Variants in PLCXD1 observed in about 807,000 individuals in gnomAD.
PLCXD1 encodes PI-PLC X domain-containing protein 1.
A neutral mutation model predicts 37.8 loss-of-function variants in PLCXD1; 45 were observed. That is an observed-to-expected ratio of 1.19 (90% CI 0.94 to 1.53). The LOEUF is 1.53. PLCXD1 is among the 40% of genes most tolerant of loss of function. The pLI, the probability that PLCXD1 is intolerant of heterozygous loss-of-function variation, is 0.00. For missense variants in PLCXD1, 539 were observed against 454.7 expected (o/e 1.19, Z -1.69); for synonymous variants, 246 against 206.9 (o/e 1.19, Z -1.62).
chrX:289,664 A>G (rs1048991164), intron 3 of PLCXD1, among the ~76,000 whole-genome samples: 1 of 151,370 alleles, frequency 6.6e-6, no homozygotes, highest in Non-Finnish European at 1.5e-5. Flanking sequence ...GGCTCCCGCG[A>G]CCACGCCCGG....
At position 286,478 on chromosome X, in the gene PLCXD1, G is replaced by A. The variant is rs142261695; in HGVS notation, c.127+2164G>A. Among the ~76,000 whole-genome samples, 1,487 of 152,174 alleles carry A rather than the reference G, an allele frequency of 9.8e-3. 21 individuals carry two copies. The highest frequency in any genetic ancestry group is 0.061 in the East Asian group (315 of 5,172). On this transcript the variant is annotated intron_variant, in intron 2 of 6. Coordinates refer to ENST00000381657, the MANE Select transcript of PLCXD1 (RefSeq NM_018390.4). ...CAGCCGCAGACAAAACTCAGACACCGGATTAAAGAAAGAAGAGGTTTCTTT... is the reference window on the plus strand; with the variant it reads ...CAGCCGCAGACAAAACTCAGACACCAGATTAAAGAAAGAAGAGGTTTCTTT...
intron 4 of PLCXD1, among the ~76,000 whole-genome samples, 196 bp from the exon 5 acceptor site, chrX:291,303 G>A (rs1448209417): frequency 1.7e-4 from 26 of 151,912 alleles, no homozygotes; most frequent in South Asian, 8.3e-4. Context: ...CGGACACCAC[G>A]CCCAGCTAAT....
intron 3 of PLCXD1, among the ~76,000 whole-genome samples, chrX:289,667 A>G (rs1316307234): frequency 2.0e-5 from 3 of 151,326 alleles, no homozygotes; most frequent in African/African-American, 4.8e-5. Flanking sequence ...TCCCGCGACC[A>G]CGCCCGGCTA....
At chrX:288,896 C>T in intron 3 of PLCXD1, 27 bp downstream of exon 3, 1 of 1,609,392 alleles carries the variant, frequency 6.2e-7, no homozygotes, top group Non-Finnish European at 8.5e-7. Context: ...GTGCTGCTGA[C>T]CTGGCCTGTC....
Position 291,529 on chromosome X carries a change from G to T in PLCXD1, c.424G>T (p.Glu142Ter). 3 of 1,612,860 alleles carry T rather than the reference G, an allele frequency of 1.9e-6. No homozygotes were observed. The highest frequency in any genetic ancestry group is 2.5e-6 in the Non-Finnish European group (3 of 1,179,850). Residue 142 changes from glutamate to a stop codon, truncating the protein, a stop_gained, in exon 5 of 7, where the codon GAG (glutamate) becomes TAG (stop). Transcript: ENST00000381657. LOFTEE classifies it high-confidence loss of function. ...DTLTEISEWL[E>*]RHPREVVILA... Reference sequence around the variant, plus strand: ...ACTCACGGAAATCTCGGAGTGGCTGGAGCGGCATCCACGCGAGGTGGTCAT... The same window carrying T: ...ACTCACGGAAATCTCGGAGTGGCTGTAGCGGCATCCACGCGAGGTGGTCAT...
chrX:287,350 A>G (rs1464108764), intron 2 of PLCXD1, among the ~76,000 whole-genome samples: 1 of 144,494 alleles, frequency 6.9e-6, no homozygotes, highest in Non-Finnish European at 1.5e-5. Context: ...ATGTGGATAT[A>G]TATTTTATAT....
Position 301,825 on chromosome X carries a change from C to T in PLCXD1, c.*2490C>T, listed in dbSNP as rs1343923770. On this transcript the variant is annotated 3_prime_UTR_variant, in exon 7 of 7. Transcript: ENST00000381657. ...ATTTTTAGCAGAGATGGGGTTTCAC[C>T]ATGTTGCCCAGGCTGGTCTTGAACT... 1 of 152,118 alleles carries T rather than the reference C, an allele frequency of 6.6e-6. No individual in the cohort carries two copies. The highest frequency in any genetic ancestry group is 1.5e-5 in the Non-Finnish European group (1 of 68,064). The allele number at this position is 152,118 out of a possible 1,614,324, so 9.4% of individuals were successfully genotyped here. A position where few individuals can be genotyped will look rare whatever the true frequency, so the allele number is the denominator to read the frequency against.
At chrX:288,241 G>C (rs777299864) in intron 2 of PLCXD1, among the ~76,000 whole-genome samples, 14 of 152,142 alleles carry the variant, frequency 9.2e-5, no homozygotes, top group African/African-American at 3.1e-4. Context: ...TGGGCAGGGG[G>C]TTAGGACTTG....
intron 1 of PLCXD1, among the ~76,000 whole-genome samples, chrX:282,366 G>A (rs1156710281): frequency 6.9e-6 from 1 of 145,820 alleles, no homozygotes; most frequent in Non-Finnish European, 1.5e-5. Flanking sequence ...TGGGTAACAA[G>A]AGTGAAACCC....
intron 2 of PLCXD1, among the ~76,000 whole-genome samples, chrX:288,299 G>A (rs1411294787): frequency 6.7e-6 from 1 of 150,102 alleles, no homozygotes; most frequent in Non-Finnish European, 1.5e-5. Context: ...ATTGTATTCA[G>A]TTCCTTCTAG....
chrX:297,357 C>A lies in PLCXD1; in HGVS notation c.734-1740C>A, dbSNP rs370555505. The stretch of plus-strand genomic sequence containing the variant: ...GATTAGGACGTGGACATCTTTGGGG[C>A]CATTATTCTGTCTCCCACATGGGGA... On this transcript the variant is annotated intron_variant, in intron 6 of 6. Transcript: ENST00000381657. Among the ~76,000 whole-genome samples the A allele has an allele frequency of 6.0e-4, 22 of 36,908 alleles. 2 individuals carry two copies. The highest frequency in any genetic ancestry group is 7.6e-4 in the East Asian group (1 of 1,318). 24.2% of individuals were successfully genotyped at this position (36,908 alleles called of 152,430 possible).
chrX:293,267 C>A (rs373435192), intron 6 of PLCXD1, 49 bp downstream of exon 6: 1 of 1,459,342 alleles, frequency 6.9e-7, no homozygotes, highest in African/African-American at 1.4e-5. Context: ...CCTCCCGTGA[C>A]GCCCTGCGGC....
chrX:282,057 C>G (rs761360393), intron 1 of PLCXD1, among the ~76,000 whole-genome samples: 1 of 152,224 alleles, frequency 6.6e-6, no homozygotes, highest in South Asian at 2.1e-4. Flanking sequence ...CCCTCCAGGT[C>G]TCATTTCTAA....
intron 3 of PLCXD1, among the ~76,000 whole-genome samples, chrX:289,619 C>G (rs2069565457): frequency 6.7e-6 from 1 of 150,048 alleles, no homozygotes; most frequent in African/African-American, 2.5e-5. Flanking sequence ...TCACGCCATT[C>G]TCCTGTCTCA....
chrX:288,902 C>T, intron 3 of PLCXD1, 33 bp downstream of exon 3: 1 of 1,606,542 alleles, frequency 6.2e-7, no homozygotes, highest in Non-Finnish European at 8.5e-7. Context: ...CTGACCTGGC[C>T]TGTCAGCTAT....
upstream of PLCXD1, chrX:281,217 G>A (rs2069268087): frequency 8.0e-6 from 2 of 249,804 alleles, no homozygotes; most frequent in Admixed American, 1.1e-4. Flanking sequence ...CTGCAGAGAA[G>A]GGGCCAGCTC....
chrX:283,880 T>TC lies in PLCXD1; in HGVS notation c.-21-287_-21-286insC, dbSNP rs1569564394. The TC allele has an allele frequency of 2.9e-3, 309 of 105,036 alleles. 1 individual carries two copies. The highest frequency in any genetic ancestry group is 0.026 in the African/African-American group (280 of 10,826). The allele number at this position is 105,036 out of a possible 1,614,324, so 6.5% of individuals were successfully genotyped here. A position where few individuals can be genotyped will look rare whatever the true frequency, so the allele number is the denominator to read the frequency against. ...CCCCTTTTCCTCTCTCTCTCTCTCT[T>TC]TTTTTTTTTTCTTTTTTGGATATGG... On this transcript the variant is annotated intron_variant, in intron 1 of 6. Coordinates refer to ENST00000381657, the MANE Select transcript of PLCXD1 (RefSeq NM_018390.4).
chrX:284,672 A>G (rs750286565), intron 2 of PLCXD1, among the ~76,000 whole-genome samples: 1 of 152,232 alleles, frequency 6.6e-6, no homozygotes, highest in East Asian at 1.9e-4. Context: ...ACACACATGC[A>G]CATCTGCACA....
upstream of PLCXD1, among the ~76,000 whole-genome samples, chrX:279,479 A>G (rs2069216906): frequency 6.6e-6 from 1 of 152,182 alleles, no homozygotes; most frequent in African/African-American, 2.4e-5. Flanking sequence ...TGGTTGAAAG[A>G]GTTATTATTA....
Sources: allele counts gnomAD v4.1 joint callset (sites outside exome capture counted in the v4.1 genomes callset), GRCh38; gene constraint gnomAD v4.1.1; transcripts MANE v1.5; gene names NCBI Gene and HGNC (gene_info 2026-07-23, HGNC 2026-07-21).